Variants in CCDC146 observed in about 807,000 individuals in gnomAD.
The protein encoded by CCDC146 is coiled-coil domain-containing protein 146.
A neutral mutation model predicts 119.3 loss-of-function variants in CCDC146; 92 were observed. The observed-to-expected ratio is 0.77, with a 90% CI of 0.65 to 0.92. The LOEUF is 0.92. Ranked by LOEUF, CCDC146 falls within the 40% of genes least tolerant of loss-of-function variation. The pLI, the probability that CCDC146 is intolerant of heterozygous loss-of-function variation, is 0.00. For missense variants in CCDC146, 1,000 were observed against 1,103.0 expected (o/e 0.91, Z 1.32); for synonymous variants, 372 against 371.8 (o/e 1.00, Z -0.01).
chr7:77,150,209 G>T (rs1326597741), intron 1 of CCDC146, among the ~76,000 whole-genome samples: 4 of 150,848 alleles, frequency 2.7e-5, no homozygotes, highest in African/African-American at 9.7e-5. Context: ...AACCACAAAA[G>T]AAAAAAACAA....
chr7:77,219,555 T>A (rs1173330077), intron 2 of CCDC146, among the ~76,000 whole-genome samples: 2 of 152,212 alleles, frequency 1.3e-5, no homozygotes, highest in Non-Finnish European at 2.9e-5. Context: ...ATTTATAAGG[T>A]TGCTAACTGG....
intron 2 of CCDC146, among the ~76,000 whole-genome samples, chr7:77,233,096 T>TTG (rs1375613578): frequency 6.7e-5 from 10 of 150,190 alleles, no homozygotes; most frequent in Admixed American, 1.3e-4. Flanking sequence ...TTTTGTTTGT[T>TTG]TTTTTTTTTT....
intron 1 of CCDC146, among the ~76,000 whole-genome samples, chr7:77,152,358 A>G (rs1212891654): frequency 6.6e-6 from 1 of 152,230 alleles, no homozygotes; most frequent in Admixed American, 6.5e-5. Context: ...TGAGTAAGGG[A>G]TGCTGCCCCA....
intron 1 of CCDC146, among the ~76,000 whole-genome samples, chr7:77,163,860 C>CTTT (rs530810388): frequency 7.3e-5 from 8 of 110,036 alleles, no homozygotes; most frequent in African/African-American, 1.8e-4. Flanking sequence ...TCTTTTTTTT[C>CTTT]TTTTTTTTTT....
intron 1 of CCDC146, among the ~76,000 whole-genome samples, chr7:77,138,560 C>T (rs184262880): frequency 1.8e-4 from 27 of 152,178 alleles, no homozygotes; most frequent in South Asian, 1.5e-3. Context: ...AAAAGTTCTG[C>T]ACTACGAAAG....
intron 2 of CCDC146, among the ~76,000 whole-genome samples, chr7:77,231,736 C>T (rs6945196): frequency 6.6e-6 from 1 of 151,838 alleles, no homozygotes; most frequent in South Asian, 2.1e-4. Context: ...ATTCTTCAAA[C>T]ATATTTATAA....
chr7:77,216,003 C>A (rs1480037594), intron 2 of CCDC146, among the ~76,000 whole-genome samples: 2 of 152,128 alleles, frequency 1.3e-5, no homozygotes, highest in Admixed American at 1.3e-4. Flanking sequence ...CTAACCCCCC[C>A]ACCTTGTTTC....
chr7:77,285,677 T>G (rs1793834820), intron 15 of CCDC146, among the ~76,000 whole-genome samples: 1 of 152,228 alleles, frequency 6.6e-6, no homozygotes, highest in Admixed American at 6.5e-5. Context: ...ATAATGCTTG[T>G]TGGTTGTCAC....
intron 1 of CCDC146, among the ~76,000 whole-genome samples, chr7:77,126,750 C>T (rs1248305553): frequency 6.6e-6 from 1 of 152,104 alleles, no homozygotes. Context: ...CCTGCTCTGG[C>T]TGAGCCCAGG....
At chr7:77,191,545 G>C (rs1472530347) in intron 2 of CCDC146, among the ~76,000 whole-genome samples, 3 of 152,138 alleles carry the variant, frequency 2.0e-5, no homozygotes, top group African/African-American at 7.2e-5. Context: ...GGAATATGTA[G>C]GATGGCATAA....
chr7:77,288,066 C>G (rs964666649), intron 17 of CCDC146, among the ~76,000 whole-genome samples: 1 of 152,102 alleles, frequency 6.6e-6, no homozygotes, highest in Non-Finnish European at 1.5e-5. Context: ...TGAGGAAAGG[C>G]CAGGAATACA....
At chr7:77,259,239 A>G (rs1453191694) in intron 7 of CCDC146, 171 bp downstream of exon 7, 3 of 509,278 alleles carry the variant, frequency 5.9e-6, no homozygotes, top group Non-Finnish European at 1.0e-5. Flanking sequence ...AAAGTAATGC[A>G]CCAAATTTCT....
At chr7:77,217,560 TATAG>T (rs199806166) in intron 2 of CCDC146, among the ~76,000 whole-genome samples, 3,836 of 137,546 alleles carry the variant, frequency 0.028, 71 homozygotes, top group Non-Finnish European at 0.046. Flanking sequence ...CATATATATA[TATAG>T]AGAGAGAGAG....
chr7:77,273,474 G>A (rs1459232972), intron 9 of CCDC146, among the ~76,000 whole-genome samples: 1 of 152,030 alleles, frequency 6.6e-6, no homozygotes, highest in Non-Finnish European at 1.5e-5. Flanking sequence ...TTTTCAAAAA[G>A]TGTGTGATGA....
At chr7:77,276,596 A>G (rs1793645598) in intron 11 of CCDC146, among the ~76,000 whole-genome samples, 2 of 152,222 alleles carry the variant, frequency 1.3e-5, no homozygotes, top group African/African-American at 4.8e-5. Context: ...TCCATGTTAA[A>G]CAATTTAGAC....
In CCDC146 at chr7:77,259,031, A is replaced by G; in HGVS notation, c.721A>G (p.Ile241Val). 1.2e-6 allele frequency: 2 copies of G among 1,612,492 alleles called. No homozygotes were observed. Among genetic ancestry groups the G allele is most frequent in the Non-Finnish European group, 1.7e-6 (2 of 1,178,858 alleles). Residue 241 changes from isoleucine (I) to valine (V), a missense_variant, in exon 7 of 19, where the codon ATT (isoleucine) becomes GTT (valine). This residue lies in a region of CCDC146 where 985 missense variants were observed against 1,045.3 expected (regional missense o/e 0.94). Coordinates refer to ENST00000285871, the MANE Select transcript of CCDC146 (RefSeq NM_020879.3). ...CCACCATCAAACCATTCCAGTACAA[A>G]TTGGAAAAGAGATAGAAAAAATAAC... Reference protein sequence around the residue: ...VAHHQTIPVQIGKEIEKITRK... With the variant: ...VAHHQTIPVQVGKEIEKITRK...
At chr7:77,199,235 A>T (rs1415515303) in intron 2 of CCDC146, 3 of 1,613,940 alleles carry the variant, frequency 1.9e-6, no homozygotes. Flanking sequence ...TTGCCATCCA[A>T]ACTATTGACA....
chr7:77,219,714 A>G (rs1792366068), intron 2 of CCDC146, among the ~76,000 whole-genome samples: 1 of 152,202 alleles, frequency 6.6e-6, no homozygotes, highest in Non-Finnish European at 1.5e-5. Context: ...TGAGAAATAA[A>G]CAGAAAGAGT....
intron 9 of CCDC146, among the ~76,000 whole-genome samples, chr7:77,272,930 G>T (rs1375393353): frequency 6.6e-6 from 1 of 152,080 alleles, no homozygotes; most frequent in Non-Finnish European, 1.5e-5. Flanking sequence ...CTAATCAAAT[G>T]ACTATATATA....
Sources: gnomAD v4.1 joint callset for allele counts (sites outside exome capture counted in the v4.1 genomes callset) on GRCh38, gnomAD v4.1.1 for gene constraint, gnomAD v4.1.1 regional missense constraint, MANE v1.5 for transcripts, NCBI Gene and HGNC (gene_info 2026-07-23, HGNC 2026-07-21) for gene names.